RPL26L1: variants seen among roughly 807,000 people sequenced by gnomAD.
The protein encoded by RPL26L1 is ribosomal protein L26 like 1, also known as ribosomal protein uL24-like.
RPL26L1 carries 8 observed loss-of-function variants against 15.2 expected under a neutral mutation model. The observed-to-expected ratio is 0.53, with a 90% CI of 0.31 to 0.95. The LOEUF is 0.95. Ranked by LOEUF, RPL26L1 falls within the 40% of genes least tolerant of loss-of-function variation. RPL26L1 has a pLI of 0.05. For missense variants in RPL26L1, 146 were observed against 190.9 expected, an observed-to-expected ratio of 0.76 and a Z score of 1.39; for synonymous variants, 51 against 65.9, an observed-to-expected ratio of 0.77 and a Z score of 1.09.
chr5:172,965,408 C>A (rs75498015), intron 2 of RPL26L1, among the ~76,000 whole-genome samples: 1 of 152,178 alleles, frequency 6.6e-6, no homozygotes, highest in Non-Finnish European at 1.5e-5. Flanking sequence ...CCTTAGCTTT[C>A]CATCCCCCTC....
Position 172,969,401 on chromosome 5 carries a change from C to T in RPL26L1, c.310-12C>T. 1.2e-6 allele frequency: 2 copies of T among 1,611,828 alleles called. No homozygotes were observed. The highest frequency in any genetic ancestry group is 1.7e-6 in the Non-Finnish European group (2 of 1,178,908). On this transcript the variant is annotated splice_polypyrimidine_tract_variant and intron_variant, in intron 3 of 3. Coordinates refer to ENST00000265100, the MANE Select transcript of RPL26L1 (RefSeq NM_016093.4). Reference sequence around the variant, plus strand: ...ATGCAGAAATAAAGACCTGTTTTCTCACTCCCAACAGGTGGTTATCACCAG... The same window carrying T: ...ATGCAGAAATAAAGACCTGTTTTCTTACTCCCAACAGGTGGTTATCACCAG...
chr5:172,962,301 G>A lies in RPL26L1; in HGVS notation c.168+2260G>A, dbSNP rs184839108. Among the ~76,000 whole-genome samples, 92 of 151,968 alleles carry A rather than the reference G, an allele frequency of 6.1e-4. No homozygotes were observed. The East Asian group carries it at 9.7e-3, about 16-fold the overall frequency. ...GCGGGTGGATCCCCTGAGCTCAGGA[G>A]TTTGAGACCAGCCTGGGAAACATGG... On this transcript the variant is annotated intron_variant, in intron 2 of 3. Coordinates refer to ENST00000265100, the MANE Select transcript of RPL26L1 (RefSeq NM_016093.4).
In RPL26L1 at chr5:172,965,185, C is replaced by CAA. The variant is rs34474616; in HGVS notation, c.169-3265_169-3264dup. Among the ~76,000 whole-genome samples, 27 of 147,872 alleles carry CAA rather than the reference C, an allele frequency of 1.8e-4. 1 individual carries two copies. Among genetic ancestry groups the CAA allele is most frequent in the Non-Finnish European group, 2.4e-4 (16 of 66,598 alleles). On this transcript the variant is annotated intron_variant, in intron 2 of 3. Coordinates refer to ENST00000265100, the MANE Select transcript of RPL26L1 (RefSeq NM_016093.4). ...TGGGTAACACAGCAAGTCTCTGTCT[C>CAA]AAAAAAAAAAGAAAGAAATATCCCT...
chr5:172,964,345 G>A (rs1036922158), intron 2 of RPL26L1, among the ~76,000 whole-genome samples: 2 of 143,322 alleles, frequency 1.4e-5, no homozygotes, highest in African/African-American at 2.6e-5. Context: ...GAGTGCAGTG[G>A]CACAATCTCG....
Position 172,959,984 on chromosome 5 carries a change from G to A in RPL26L1, c.111G>A (p.Glu37=), listed in dbSNP as rs781006675. Reference sequence around the variant, plus strand: ...TCATGTCATCCCCGCTCTCCAAGGAGCTGCGGCAGAAGTACAATGTCCGCT... The same window carrying A: ...TCATGTCATCCCCGCTCTCCAAGGAACTGCGGCAGAAGTACAATGTCCGCT... ...RKIMSSPLSK[E]LRQKYNVRSM... Residue 37 remains glutamate, a synonymous_variant, in exon 2 of 4, where the codon GAG becomes GAA. Coordinates refer to ENST00000265100, the MANE Select transcript of RPL26L1 (RefSeq NM_016093.4). 11 of 1,614,216 alleles carry A rather than the reference G, an allele frequency of 6.8e-6. 1 individual carries two copies. In the South Asian group the frequency reaches 7.7e-5, roughly 11 times the overall value.
chr5:172,961,511 C>T (rs1755233949), intron 2 of RPL26L1, among the ~76,000 whole-genome samples: 1 of 152,206 alleles, frequency 6.6e-6, no homozygotes, highest in Non-Finnish European at 1.5e-5. Flanking sequence ...TTCCTTCCAG[C>T]TACTACACTT....
chr5:172,959,584 C>T, intron 1 of RPL26L1, 116 bp downstream of exon 1: 1 of 1,212,470 alleles, frequency 8.2e-7, no homozygotes, highest in Non-Finnish European at 1.0e-6. Context: ...ACCTCCCGAC[C>T]ACCCATTCCT....
At chr5:172,956,333 CG>C (rs1754976371), upstream of RPL26L1, among the ~76,000 whole-genome samples, 1 of 152,112 alleles carries the variant, frequency 6.6e-6, no homozygotes, top group South Asian at 2.1e-4. Context: ...TTAATAAATA[CG>C]GATCGCATTA....
At chr5:172,965,048 A>G (rs1255118571) in intron 2 of RPL26L1, among the ~76,000 whole-genome samples, 2 of 152,164 alleles carry the variant, frequency 1.3e-5, no homozygotes, top group East Asian at 3.9e-4. Flanking sequence ...GCTGGGCGTG[A>G]TGGCACATGC....
rs386405707 is a variant in RPL26L1, at chr5:172,966,313, A to ATTTTTTTTTTTTTT, written c.169-2130_169-2117dup. ...CGCATGCCACCATGTCTGGCTAACT[A>ATTTTTTTTTTTTTT]TTTTTTTTTTTTTTTTTTTTTTTTT... is the stretch of plus-strand genomic sequence containing the variant. On this transcript the variant is annotated intron_variant, in intron 2 of 3. Coordinates refer to ENST00000265100, the MANE Select transcript of RPL26L1 (RefSeq NM_016093.4). Among the ~76,000 whole-genome samples the ATTTTTTTTTTTTTT allele has an allele frequency of 4.7e-5, 3 of 63,664 alleles. 1 individual carries two copies. The highest frequency in any genetic ancestry group is 1.3e-4 in the African/African-American group (2 of 15,414). The allele number at this position is 63,664 out of a possible 152,430, so 41.8% of individuals were successfully genotyped here.
chr5:172,964,594 C>T (rs1419482911), intron 2 of RPL26L1, among the ~76,000 whole-genome samples: 1 of 152,158 alleles, frequency 6.6e-6, no homozygotes, highest in East Asian at 1.9e-4. Flanking sequence ...CTGCCTGTTG[C>T]CATTTTTTGA....
At chr5:172,964,355 G>A (rs9686675) in intron 2 of RPL26L1, among the ~76,000 whole-genome samples, 91,799 of 145,516 alleles carry the variant, frequency 0.63, 33,890 homozygotes, top group Non-Finnish European at 0.81. Flanking sequence ...GCACAATCTC[G>A]GCTCACTGCA....
Position 172,960,046 on chromosome 5 carries a change from G to A in RPL26L1, c.168+5G>A, listed in dbSNP as rs762139613. Reference sequence around the variant, plus strand: ...CGCAAGGACGACGAGGTCCAGGTACGTCTCCCTCCGGCGCTAGTGGCGCTC... The same window carrying A: ...CGCAAGGACGACGAGGTCCAGGTACATCTCCCTCCGGCGCTAGTGGCGCTC... On this transcript the variant is annotated splice_donor_5th_base_variant and intron_variant, in intron 2 of 3. Coordinates refer to ENST00000265100, the MANE Select transcript of RPL26L1 (RefSeq NM_016093.4). 3.1e-5 allele frequency: 50 copies of A among 1,613,904 alleles called. No individual in the cohort carries two copies. The Admixed American group carries it at 7.3e-4, about 24-fold the overall frequency.
At chr5:172,962,797 CAG>C (rs1755291005) in intron 2 of RPL26L1, among the ~76,000 whole-genome samples, 1 of 112,538 alleles carries the variant, frequency 8.9e-6, no homozygotes, top group Admixed American at 1.3e-4. Flanking sequence ...GCCTGGGTGA[CAG>C]AGTGAGGCTC....
At chr5:172,959,539 G>T in intron 1 of RPL26L1, 71 bp downstream of exon 1, 2 of 1,116,794 alleles carry the variant, frequency 1.8e-6, no homozygotes, top group Non-Finnish European at 1.1e-6. Context: ...TATGTGTCGC[G>T]GGAACACATG....
intron 2 of RPL26L1, among the ~76,000 whole-genome samples, chr5:172,963,814 A>T (rs1755341594): frequency 3.3e-5 from 5 of 152,222 alleles, no homozygotes; most frequent in Admixed American, 3.3e-4. Context: ...TTATGATTAG[A>T]CCATTAAAAA....
intron 2 of RPL26L1, among the ~76,000 whole-genome samples, chr5:172,963,482 T>G (rs1755326587): frequency 6.6e-6 from 1 of 152,180 alleles, no homozygotes; most frequent in African/African-American, 2.4e-5. Context: ...GCTCTACACT[T>G]TAACCACACT....
intron 2 of RPL26L1, among the ~76,000 whole-genome samples, chr5:172,965,314 C>T (rs1755412190): frequency 6.6e-6 from 1 of 152,194 alleles, no homozygotes; most frequent in African/African-American, 2.4e-5. Flanking sequence ...CTTTTACCGT[C>T]TTCCTCCATA....
chr5:172,959,358 A>G, upstream of RPL26L1: 1 of 1,001,842 alleles, frequency 1.0e-6, no homozygotes, highest in Non-Finnish European at 1.2e-6. Flanking sequence ...TGGGGGCGCC[A>G]TTCGACTTCG....
Sources: allele counts gnomAD v4.1 joint callset (sites outside exome capture counted in the v4.1 genomes callset), GRCh38; gene constraint gnomAD v4.1.1; transcripts MANE v1.5; gene names NCBI Gene and HGNC (gene_info 2026-07-23, HGNC 2026-07-21).